The following TMBIM4 variants were observed in gnomAD, a reference collection of about 807,000 sequenced individuals.
TMBIM4 encodes the protein transmembrane BAX inhibitor motif containing 4, also known as protein lifeguard 4.
A neutral mutation model predicts 27.7 loss-of-function variants in TMBIM4; 28 were observed. The ratio of observed to expected loss-of-function variants is 1.01; its 90% CI spans 0.75 to 1.38. The LOEUF (loss-of-function observed/expected upper bound fraction) is 1.38. Ranked by LOEUF, TMBIM4 falls within the 40% of genes most tolerant of loss-of-function variation. The pLI is 0.00. For synonymous variants in TMBIM4, 115 were observed against 113.1 expected (o/e 1.02, Z -0.11); for missense variants, 265 against 277.5 (o/e 0.95, Z 0.32).
intron 5 of TMBIM4, among the ~76,000 whole-genome samples, chr12:66,144,205 T>C (rs776615388): frequency 5.9e-5 from 9 of 152,082 alleles, no homozygotes; most frequent in Non-Finnish European, 8.8e-5. Context: ...AGAGGCAATT[T>C]TGAAAGGGTT....
chr12:66,149,488 G>A (rs896518083), intron 3 of TMBIM4, among the ~76,000 whole-genome samples: 14 of 151,158 alleles, frequency 9.3e-5, no homozygotes, highest in African/African-American at 3.2e-4. Flanking sequence ...TTTTTTGGGG[G>A]GGGCAGGGCA....
chr12:66,147,791 A>T, intron 4 of TMBIM4, 117 bp downstream of exon 4: 1 of 730,086 alleles, frequency 1.4e-6, no homozygotes, highest in South Asian at 2.2e-5. Flanking sequence ...CCTATGCTAT[A>T]TTTCTGAAAT....
chr12:66,164,595 G>A (rs575834089), intron 1 of TMBIM4, among the ~76,000 whole-genome samples: 4 of 152,278 alleles, frequency 2.6e-5, no homozygotes, highest in African/African-American at 9.6e-5. Flanking sequence ...AATTACTTTG[G>A]CCTCCACAGC....
intron 5 of TMBIM4, among the ~76,000 whole-genome samples, chr12:66,139,278 T>G (rs2051628111): frequency 6.6e-6 from 1 of 152,240 alleles, no homozygotes; most frequent in South Asian, 2.1e-4. Flanking sequence ...ACAATTCAAT[T>G]GTTATATATA....
chr12:66,149,265 AC>A (rs767334290), intron 3 of TMBIM4, among the ~76,000 whole-genome samples: 23 of 151,450 alleles, frequency 1.5e-4, no homozygotes, highest in Non-Finnish European at 2.4e-4. Flanking sequence ...ACACAGCAAA[AC>A]CCCCTCTCTA....
chr12:66,163,230 CT>C (rs2052071325), intron 1 of TMBIM4, among the ~76,000 whole-genome samples: 1 of 152,154 alleles, frequency 6.6e-6, no homozygotes, highest in Non-Finnish European at 1.5e-5. Flanking sequence ...GGGACTCTTT[CT>C]CCTTGGGGTA....
chr12:66,169,971 C>G lies in TMBIM4; in HGVS notation c.-20G>C, dbSNP rs868781862. On this transcript the variant is annotated 5_prime_UTR_variant, in exon 1 of 7. Coordinates refer to ENST00000358230, the MANE Select transcript of TMBIM4 (RefSeq NM_016056.4). ...AGCCATGATGGCAACAGCACCCCTA[C>G]CGGTCCCGGTCCACTAACCGCAACC... is the stretch of plus-strand genomic sequence containing the variant. 17 of 1,464,028 alleles carry G rather than the reference C, an allele frequency of 1.2e-5. No individual in the cohort carries two copies. The Middle Eastern group carries it at 3.0e-3, about 255-fold the overall frequency. 90.7% of individuals were successfully genotyped at this position (1,464,028 alleles called of 1,614,324 possible). A position where few individuals can be genotyped will look rare whatever the true frequency, so the allele number is the denominator to read the frequency against.
At chr12:66,157,906 AAG>A (rs1315190740) in intron 1 of TMBIM4, among the ~76,000 whole-genome samples, 1 of 152,176 alleles carries the variant, frequency 6.6e-6, no homozygotes, top group African/African-American at 2.4e-5. Flanking sequence ...ACTAAAATAG[AAG>A]AGATACACAG....
chr12:66,163,785 C>T (rs1338841369), intron 1 of TMBIM4, among the ~76,000 whole-genome samples: 1 of 152,096 alleles, frequency 6.6e-6, no homozygotes, highest in Non-Finnish European at 1.5e-5. Flanking sequence ...AACACAAATC[C>T]TCAAACTCTT....
intron 3 of TMBIM4, among the ~76,000 whole-genome samples, chr12:66,150,544 G>A (rs1229008310): frequency 6.6e-6 from 1 of 152,018 alleles, no homozygotes; most frequent in African/African-American, 2.4e-5. Flanking sequence ...CTCCCAAGTA[G>A]TGGGACTACA....
At chr12:66,150,437 C>T (rs941462767) in intron 3 of TMBIM4, among the ~76,000 whole-genome samples, 1 of 145,936 alleles carries the variant, frequency 6.9e-6, no homozygotes, top group Non-Finnish European at 1.5e-5. Context: ...CTTTTTAAGA[C>T]AGGGTCTCAC....
chr12:66,137,892 ATTACT>A lies in TMBIM4; in HGVS notation c.*63_*67del, dbSNP rs2051602483. The A allele has an allele frequency of 3.0e-6, 4 of 1,337,780 alleles. No homozygotes were observed. Among genetic ancestry groups the A allele is most frequent in the Non-Finnish European group, 4.2e-6 (4 of 945,052 alleles). 82.9% of individuals were successfully genotyped at this position (1,337,780 alleles called of 1,614,324 possible). On this transcript the variant is annotated 3_prime_UTR_variant, in exon 7 of 7. Coordinates refer to ENST00000358230, the MANE Select transcript of TMBIM4 (RefSeq NM_016056.4). ...AAACAGTTTCTATATACTGCTTCCA[ATTACT>A]TTAATCCTTTTTTCTCATTAAATTT...
intron 1 of TMBIM4, chr12:66,169,543 G>A (rs890347303): frequency 2.1e-6 from 1 of 478,724 alleles, no homozygotes; most frequent in Non-Finnish European, 3.7e-6. Flanking sequence ...CCAAATTCAG[G>A]CTGCGGCGGT....
intron 1 of TMBIM4, chr12:66,169,381 G>C: frequency 1.6e-6 from 1 of 631,894 alleles, no homozygotes; most frequent in Non-Finnish European, 2.8e-6. Context: ...TGCCGTCAGG[G>C]AGCTTCCAGC....
At chr12:66,167,455 C>T (rs746132787) in intron 1 of TMBIM4, among the ~76,000 whole-genome samples, 13 of 152,210 alleles carry the variant, frequency 8.5e-5, no homozygotes, top group Non-Finnish European at 1.6e-4. Flanking sequence ...AATAACATTT[C>T]TCCAAGGAAA....
chr12:66,165,586 T>C (rs551301776), intron 1 of TMBIM4, among the ~76,000 whole-genome samples: 3 of 152,288 alleles, frequency 2.0e-5, no homozygotes, highest in African/African-American at 7.2e-5. Context: ...CCCAACCTTG[T>C]GAATCTTCTT....
At chr12:66,138,553 C>G (rs552822539) in intron 6 of TMBIM4, among the ~76,000 whole-genome samples, 171 bp downstream of exon 6, 28 of 152,182 alleles carry the variant, frequency 1.8e-4, no homozygotes, top group African/African-American at 5.5e-4. Context: ...AGGACCAACA[C>G]AAGACCCTGA....
At chr12:66,138,824 G>T in intron 5 of TMBIM4, 55 bp from the exon 6 acceptor site, 1 of 1,422,260 alleles carries the variant, frequency 7.0e-7, no homozygotes, top group Non-Finnish European at 9.2e-7. Flanking sequence ...AAAAAACTTT[G>T]TAAACCCATT....
intron 1 of TMBIM4, among the ~76,000 whole-genome samples, chr12:66,164,201 G>A (rs529006661): frequency 9.2e-5 from 14 of 152,228 alleles, no homozygotes; most frequent in African/African-American, 2.6e-4. Context: ...ATTTTTCCAC[G>A]GTAGTAGTTC....
Sources: allele counts gnomAD v4.1 joint callset (sites outside exome capture counted in the v4.1 genomes callset), GRCh38; gene constraint gnomAD v4.1.1; transcripts MANE v1.5; gene names NCBI Gene and HGNC (gene_info 2026-07-23, HGNC 2026-07-21).